CFAP20DC: variants seen among roughly 807,000 people sequenced by gnomAD.
CFAP20DC encodes CFAP20 domain containing.
In CFAP20DC, 84 loss-of-function variants were observed where a neutral mutation model predicts 101.7. That is an observed-to-expected ratio of 0.83 (90% CI 0.69 to 0.99). CFAP20DC has a LOEUF of 0.99. CFAP20DC is among the 50% of genes least tolerant of loss of function. The probability of loss-of-function intolerance (pLI) is 0.00; values close to 1 mark genes in which losing one functional copy is unlikely to be tolerated. For synonymous variants in CFAP20DC, 359 were observed against 351.2 expected, an observed-to-expected ratio of 1.02 and a Z score of -0.25; for missense variants, 1,007 against 970.3, an observed-to-expected ratio of 1.04 and a Z score of -0.50.
intron 13 of CFAP20DC, among the ~76,000 whole-genome samples, chr3:58,839,612 T>C (rs184742919): frequency 4.4e-4 from 67 of 152,320 alleles, no homozygotes; most frequent in East Asian, 3.9e-3. Context: ...AAGATAAATG[T>C]CTTCAATAAA....
At chr3:58,809,652 C>T (rs552665353) in intron 14 of CFAP20DC, among the ~76,000 whole-genome samples, 3 of 152,158 alleles carry the variant, frequency 2.0e-5, no homozygotes, top group Admixed American at 1.3e-4. Context: ...ACTAGAAAAG[C>T]AAGAGCAAAC....
At chr3:58,854,230 T>A in intron 12 of CFAP20DC, among the ~76,000 whole-genome samples, 1 of 151,702 alleles carries the variant, frequency 6.6e-6, no homozygotes, top group Non-Finnish European at 1.5e-5. Context: ...GAACTCCCAT[T>A]CACAATTGCT....
At chr3:58,806,761 G>A (rs963699808) in intron 14 of CFAP20DC, among the ~76,000 whole-genome samples, 12 of 152,338 alleles carry the variant, frequency 7.9e-5, no homozygotes, top group African/African-American at 1.9e-4. Flanking sequence ...GAAGCAGGGC[G>A]AAGCATTGCC....
intron 15 of CFAP20DC, among the ~76,000 whole-genome samples, chr3:58,780,943 C>T (rs115836756): frequency 1.3e-3 from 195 of 152,012 alleles, no homozygotes; most frequent in East Asian, 4.4e-3. Context: ...ATGAACCCAA[C>T]GGAAATTTAA....
chr3:58,785,810 C>G (rs1054709976), intron 15 of CFAP20DC, among the ~76,000 whole-genome samples: 1 of 152,102 alleles, frequency 6.6e-6, no homozygotes, highest in African/African-American at 2.4e-5. Flanking sequence ...AAAACTCTCT[C>G]TACTTTCCCT....
In CFAP20DC at chr3:58,722,644, C is replaced by T. The variant is rs1006516928; in HGVS notation, c.198-5016G>A. The stretch of plus-strand genomic sequence containing the variant: ...ATAAACAGGTCACTCCCACAGTTCT[C>T]GTTTGCCTTTTCCCAGATGTGAAAG... On this transcript the variant is annotated intron_variant, in intron 3 of 3. Transcript: ENST00000486145. The surrounding 1 kb of genome is among the most constrained non-coding windows in gnomAD (Gnocchi z 4.5). Among the ~76,000 whole-genome samples the T allele has an allele frequency of 2.0e-5, 3 of 152,184 alleles. No individual in the cohort carries two copies. The highest frequency in any genetic ancestry group is 1.9e-4 in the East Asian group (1 of 5,196).
intron 15 of CFAP20DC, among the ~76,000 whole-genome samples, chr3:58,794,990 C>A (rs1289958894): frequency 6.6e-6 from 1 of 152,168 alleles, no homozygotes; most frequent in Non-Finnish European, 1.5e-5. Context: ...ACGGATGTGA[C>A]TGGCTGTAGC....
chr3:59,022,468 T>A lies in CFAP20DC; in HGVS notation c.278+17089A>T, dbSNP rs1168575289. Among the ~76,000 whole-genome samples the A allele has an allele frequency of 2.0e-5, 3 of 152,272 alleles. No individual in the cohort carries two copies. In the East Asian group the frequency reaches 5.8e-4, roughly 29 times the overall value. The stretch of plus-strand genomic sequence containing the variant: ...AGTTTCTAAATACAGTGAATTTGTA[T>A]ATTTATTTCAAATCCTTGCTTGTAG... On this transcript the variant is annotated intron_variant, in intron 4 of 16. Coordinates refer to ENST00000482387, the MANE Select transcript of CFAP20DC (RefSeq NM_001394063.1).
At chr3:58,805,320 G>A (rs1392040080) in intron 15 of CFAP20DC, among the ~76,000 whole-genome samples, 2 of 152,210 alleles carry the variant, frequency 1.3e-5, no homozygotes. Flanking sequence ...GAGATGGAGT[G>A]AAGAGACTGC....
At chr3:58,770,814 A>G (rs2070773790) in intron 15 of CFAP20DC, among the ~76,000 whole-genome samples, 1 of 152,198 alleles carries the variant, frequency 6.6e-6, no homozygotes, top group Admixed American at 6.6e-5. Context: ...AGACTGAATT[A>G]GTGGAGAATA....
At chr3:58,986,316 G>C (rs887101015) in intron 4 of CFAP20DC, among the ~76,000 whole-genome samples, 1 of 152,044 alleles carries the variant, frequency 6.6e-6, no homozygotes, top group Non-Finnish European at 1.5e-5. Flanking sequence ...GGAACCAGAG[G>C]GTTAATATGT....
chr3:58,841,862 T>C (rs973734938), intron 13 of CFAP20DC, among the ~76,000 whole-genome samples: 2 of 152,244 alleles, frequency 1.3e-5, no homozygotes, highest in African/African-American at 4.8e-5. Flanking sequence ...TAAAGTCTGT[T>C]ATATAAGTCT....
At chr3:58,756,511 T>A (rs1361736000) in intron 15 of CFAP20DC, among the ~76,000 whole-genome samples, 2 of 152,122 alleles carry the variant, frequency 1.3e-5, no homozygotes, top group Non-Finnish European at 2.9e-5. Flanking sequence ...TTGTGTTACA[T>A]TTTAGGCTTT....
At chr3:58,748,939 C>G in intron 16 of CFAP20DC, among the ~76,000 whole-genome samples, 1 of 152,092 alleles carries the variant, frequency 6.6e-6, no homozygotes, top group East Asian at 1.9e-4. Context: ...ATAATATAAC[C>G]CCACACTAAG....
At chr3:58,968,265 T>C (rs1238801336) in intron 4 of CFAP20DC, among the ~76,000 whole-genome samples, 1 of 152,204 alleles carries the variant, frequency 6.6e-6, no homozygotes, top group East Asian at 1.9e-4. Context: ...GTTCTGCTTT[T>C]AGCTCTTTGA....
At chr3:58,819,420 G>A (rs2075445360) in intron 14 of CFAP20DC, among the ~76,000 whole-genome samples, 1 of 151,568 alleles carries the variant, frequency 6.6e-6, no homozygotes, top group Non-Finnish European at 1.5e-5. Flanking sequence ...AAAAAAGAGA[G>A]AAGAATCAAA....
At chr3:58,826,451 C>T (rs1317961698) in intron 14 of CFAP20DC, among the ~76,000 whole-genome samples, 1 of 152,106 alleles carries the variant, frequency 6.6e-6, no homozygotes, top group Non-Finnish European at 1.5e-5. Context: ...TCTATCCCTC[C>T]CCTAGCCCCC....
intron 15 of CFAP20DC, among the ~76,000 whole-genome samples, chr3:58,805,533 C>T (rs1051174921): frequency 1.3e-4 from 20 of 152,168 alleles, no homozygotes; most frequent in Non-Finnish European, 1.9e-4. Flanking sequence ...TTAATTCAGA[C>T]ACCATGCAAT....
rs200872178 is a variant in CFAP20DC, at chr3:58,971,857, G to A, written c.279-34095C>T. On this transcript the variant is annotated intron_variant, in intron 4 of 16. Coordinates refer to ENST00000482387, the MANE Select transcript of CFAP20DC (RefSeq NM_001394063.1). This position sits in a 1 kb window ranked among gnomAD's most constrained non-coding sequence, Gnocchi z 4.1. ...AAAAGGACTGTAATATCATACACAC[G>A]CACACATACACACACACACACACAC... Among the ~76,000 whole-genome samples the A allele has an allele frequency of 2.2e-5, 3 of 138,258 alleles. No homozygotes were observed. Among genetic ancestry groups the A allele is most frequent in the Non-Finnish European group, 4.6e-5 (3 of 65,446 alleles). The allele number at this position is 138,258 out of a possible 152,430, so 90.7% of individuals were successfully genotyped here.
Sources: allele counts gnomAD v4.1 joint callset (sites outside exome capture counted in the v4.1 genomes callset), GRCh38; gene constraint gnomAD v4.1.1; non-coding constraint Gnocchi (gnomAD v3.1); transcripts MANE v1.5; gene names NCBI Gene and HGNC (gene_info 2026-07-23, HGNC 2026-07-21).